KLHL8: variants seen among roughly 807,000 people sequenced by gnomAD.
KLHL8 encodes kelch like family member 8.
In KLHL8, 38 loss-of-function variants were observed where a neutral mutation model predicts 63.5. The observed-to-expected ratio is 0.60, with a 90% CI of 0.46 to 0.78. The LOEUF is 0.78. Among genes scored for constraint, KLHL8 ranks in the 30% least tolerant of loss-of-function variants. The pLI, the probability that KLHL8 is intolerant of heterozygous loss-of-function variation, is 0.00. For missense variants in KLHL8, 566 were observed against 752.4 expected, an observed-to-expected ratio of 0.75 and a Z score of 2.90; for synonymous variants, 224 against 254.3, an observed-to-expected ratio of 0.88 and a Z score of 1.13.
Position 87,163,919 on chromosome 4 carries a change from T to G in KLHL8, c.1698A>C (p.Ala566=). 1 of 1,614,164 alleles carries G rather than the reference T, an allele frequency of 6.2e-7. No individual in the cohort carries two copies. The change falls in exon 9 of 10, where the codon GCA becomes GCC. Residue 566 remains alanine, a synonymous_variant. Coordinates refer to ENST00000273963, the MANE Select transcript of KLHL8 (RefSeq NM_020803.5). ...IFAVGGHNGN[A]YLNTVEAFDP... is the part of the protein sequence containing the mutation. ...CAAACGCTTCTACTGTATTTAAGTA[T>G]GCATTGCCATTATGACCACCAACTG...
chr4:87,203,474 G>A (rs2110028942), intron 1 of KLHL8, among the ~76,000 whole-genome samples: 1 of 150,524 alleles, frequency 6.6e-6, no homozygotes, highest in East Asian at 2.0e-4. Flanking sequence ...AGCTTGCAGT[G>A]AGCCAAAATG....
In KLHL8 at chr4:87,172,707, T is replaced by C. The variant is rs546385233; in HGVS notation, c.1209-2092A>G. ...TGAACTATCTTTCAAATATGTCCTC[T>C]TTTCTCTATCTCAATTTCTATCAGT... On this transcript the variant is annotated intron_variant, in intron 6 of 9. Coordinates refer to ENST00000273963, the MANE Select transcript of KLHL8 (RefSeq NM_020803.5). Among the ~76,000 whole-genome samples the C allele has an allele frequency of 5.9e-5, 9 of 152,290 alleles. No homozygotes were observed. The South Asian group carries it at 1.2e-3, about 21-fold the overall frequency.
At chr4:87,169,868 GAA>G (rs5860062) in intron 8 of KLHL8, among the ~76,000 whole-genome samples, 29,864 of 145,882 alleles carry the variant, frequency 0.2, 3,473 homozygotes, top group East Asian at 0.43. Flanking sequence ...GTCTCCCTCT[GAA>G]AAAAAAAAAA....
At chr4:87,177,261 T>C (rs1730860104) in intron 5 of KLHL8, among the ~76,000 whole-genome samples, 1 of 152,118 alleles carries the variant, frequency 6.6e-6, no homozygotes, top group Admixed American at 6.6e-5. Flanking sequence ...ATGCCTGTAA[T>C]CCCAGCACTT....
chr4:87,209,879 G>T (rs1384198499), intron 1 of KLHL8, among the ~76,000 whole-genome samples: 3 of 140,138 alleles, frequency 2.1e-5, no homozygotes, highest in Non-Finnish European at 4.6e-5. Flanking sequence ...TTGAGGCAAG[G>T]CCTGGCTCTA....
chr4:87,209,880 C>CCTGGG (rs1395326122), intron 1 of KLHL8, among the ~76,000 whole-genome samples: 2 of 138,228 alleles, frequency 1.4e-5, no homozygotes, highest in African/African-American at 2.7e-5. Flanking sequence ...TGAGGCAAGG[C>CCTGGG]CTGGCTCTAT....
At chr4:87,202,106 CAA>C (rs879415755) in intron 1 of KLHL8, among the ~76,000 whole-genome samples, 8 of 134,674 alleles carry the variant, frequency 5.9e-5, no homozygotes, top group Admixed American at 1.5e-4. Context: ...ACTCCCTCTC[CAA>C]AAAAAAAAAG....
At chr4:87,226,779 AT>A (rs1733005793) in intron 1 of KLHL8, among the ~76,000 whole-genome samples, 1 of 14,322 alleles carries the variant, frequency 7.0e-5, no homozygotes, top group Non-Finnish European at 9.7e-5. Flanking sequence ...TATATATTAT[AT>A]ATATAATATA....
chr4:87,224,188 A>C (rs1732932652), upstream of KLHL8, among the ~76,000 whole-genome samples: 1 of 152,004 alleles, frequency 6.6e-6, no homozygotes, highest in Non-Finnish European at 1.5e-5. Flanking sequence ...CAGCCTCCTG[A>C]GTAGCTGGGT....
chr4:87,206,462 AG>A (rs1732136916), intron 1 of KLHL8, among the ~76,000 whole-genome samples: 1 of 152,156 alleles, frequency 6.6e-6, no homozygotes, highest in Non-Finnish European at 1.5e-5. Flanking sequence ...GGGGGAAAGA[AG>A]ATGGAAAAAC....
intron 1 of KLHL8, chr4:87,240,189 C>T (rs1265296794): frequency 1.3e-5 from 2 of 152,186 alleles, no homozygotes; most frequent in Non-Finnish European, 2.9e-5. Flanking sequence ...CTGTCTTCTA[C>T]TTCACAGTCT....
At chr4:87,168,616 T>G (rs1730496431) in intron 8 of KLHL8, among the ~76,000 whole-genome samples, 1 of 151,348 alleles carries the variant, frequency 6.6e-6, no homozygotes, top group Non-Finnish European at 1.5e-5. Flanking sequence ...TAATATTTTT[T>G]TCTGCAACAC....
chr4:87,165,974 C>T (rs1435110571), intron 8 of KLHL8, among the ~76,000 whole-genome samples: 2 of 151,830 alleles, frequency 1.3e-5, no homozygotes, highest in Non-Finnish European at 1.5e-5. Context: ...TATAAGGGTC[C>T]AAAAGATTTA....
chr4:87,164,184 A>G, intron 8 of KLHL8, 105 bp from the exon 9 acceptor site: 1 of 1,086,310 alleles, frequency 9.2e-7, no homozygotes. Flanking sequence ...ATCATTTTAG[A>G]ATGGTTTAGA....
chr4:87,207,290 T>A (rs1732168316), intron 1 of KLHL8: 2 of 588,852 alleles, frequency 3.4e-6, no homozygotes, highest in Admixed American at 4.1e-5. Flanking sequence ...AAGCTTGTCA[T>A]CAGTGGAAAT....
rs1411169497 is a variant in KLHL8 at position 87,160,278 on chromosome 4, C to T, written c.*3241G>A. The stretch of plus-strand genomic sequence containing the variant: ...AAGAAAATATTATAGAGAAGTTTTA[C>T]TGACACTTGGAATTTTACATGAAGG... On this transcript the variant is annotated 3_prime_UTR_variant, in exon 10 of 10. Coordinates refer to ENST00000273963, the MANE Select transcript of KLHL8 (RefSeq NM_020803.5). 1 of 152,084 alleles carries T rather than the reference C, an allele frequency of 6.6e-6. No homozygotes were observed. The highest frequency in any genetic ancestry group is 1.5e-5 in the Non-Finnish European group (1 of 67,996). 9.4% of individuals were successfully genotyped at this position (152,084 alleles called of 1,614,324 possible). A position where few individuals can be genotyped will look rare whatever the true frequency, so the allele number is the denominator to read the frequency against.
chr4:87,200,588 T>C (rs1199295803), intron 1 of KLHL8, among the ~76,000 whole-genome samples: 1 of 152,124 alleles, frequency 6.6e-6, no homozygotes, highest in South Asian at 2.1e-4. Context: ...GAGATGTAGA[T>C]CAAAATCATG....
At chr4:87,170,278 AT>A in intron 7 of KLHL8, 40 bp from the exon 8 acceptor site, 1 of 1,566,634 alleles carries the variant, frequency 6.4e-7, no homozygotes, top group Non-Finnish European at 8.7e-7. Context: ...TAGATTTCGA[AT>A]TTATTTATAT....
intron 1 of KLHL8, among the ~76,000 whole-genome samples, chr4:87,225,893 C>T (rs1732964636): frequency 6.6e-6 from 1 of 152,054 alleles, no homozygotes; most frequent in East Asian, 1.9e-4. Context: ...ATTTTTATTA[C>T]TCCATCATAC....
Sources: gnomAD v4.1 joint callset for allele counts (sites outside exome capture counted in the v4.1 genomes callset) on GRCh38, gnomAD v4.1.1 for gene constraint, MANE v1.5 for transcripts, NCBI Gene and HGNC (gene_info 2026-07-23, HGNC 2026-07-21) for gene names.